The following LRP1B variants were observed in gnomAD, a reference collection of about 807,000 sequenced individuals.
The protein encoded by LRP1B is LDL receptor related protein 1B.
In LRP1B, 217 loss-of-function variants were observed where a neutral mutation model predicts 556.6. The ratio of observed to expected loss-of-function variants is 0.39; its 90% confidence interval spans 0.35 to 0.44. LRP1B has a LOEUF of 0.44. Ranked by LOEUF, LRP1B falls within the 20% of genes least tolerant of loss-of-function variation. The pLI is 1.00. For missense variants in LRP1B, 5,053 were observed against 5,620.8 expected (o/e 0.90, Z 3.23); for synonymous variants, 2,047 against 1,865.8 (o/e 1.10, Z -2.50).
chr2:141,320,162 CT>C (rs1236565449), intron 3 of LRP1B, among the ~76,000 whole-genome samples: 1 of 152,012 alleles, frequency 6.6e-6, no homozygotes, highest in African/African-American at 2.4e-5. Context: ...TCATAATTAC[CT>C]TTATTATCCA....
At chr2:140,770,352 G>A (rs1455489269) in intron 34 of LRP1B, among the ~76,000 whole-genome samples, 3 of 151,894 alleles carry the variant, frequency 2.0e-5, no homozygotes, top group African/African-American at 7.2e-5. Flanking sequence ...ATGATCATTA[G>A]ATATAAAAGA....
chr2:140,772,667 G>C (rs571371775), intron 33 of LRP1B, among the ~76,000 whole-genome samples: 3 of 152,084 alleles, frequency 2.0e-5, no homozygotes, highest in Admixed American at 1.3e-4. Flanking sequence ...GAAAGCATGG[G>C]TATATTAATG....
At chr2:140,660,871 G>GT (rs11303525) in intron 41 of LRP1B, among the ~76,000 whole-genome samples, 4,179 of 142,794 alleles carry the variant, frequency 0.029, 97 homozygotes, top group African/African-American at 0.058. Flanking sequence ...GTCTTTTTGT[G>GT]TTTTTTTTTT....
intron 1 of LRP1B, among the ~76,000 whole-genome samples, chr2:141,984,872 A>T (rs1374913367): frequency 6.6e-6 from 1 of 152,152 alleles, no homozygotes; most frequent in Non-Finnish European, 1.5e-5. Flanking sequence ...AGGTCTCAGC[A>T]ATTAACTTCA....
chr2:140,863,855 T>C (rs1197949918), intron 27 of LRP1B, among the ~76,000 whole-genome samples: 1 of 152,080 alleles, frequency 6.6e-6, no homozygotes, highest in Non-Finnish European at 1.5e-5. Flanking sequence ...CTGTTCCTCC[T>C]CTTAGACTAT....
At chr2:140,317,890 G>A (rs1684597094) in intron 82 of LRP1B, among the ~76,000 whole-genome samples, 1 of 152,012 alleles carries the variant, frequency 6.6e-6, no homozygotes, top group Admixed American at 6.6e-5. Flanking sequence ...AATGGAAGTG[G>A]AGTTACATTC....
rs769381673 is a variant in LRP1B at position 141,009,811 on chromosome 2, C to T, written c.2380+3745G>A. ...ACAATGACCAAAAAAGATTCACATT[C>T]TTTTTCTTCTATCTAAAAGTATAGT... is the stretch of plus-strand genomic sequence containing the variant. On this transcript the variant is annotated intron_variant, in intron 14 of 90. Coordinates refer to ENST00000389484, the MANE Select transcript of LRP1B (RefSeq NM_018557.3). 5.3e-5 allele frequency among the ~76,000 whole-genome samples: 8 copies of T among 151,990 alleles called. No homozygotes were observed. In the South Asian group the frequency reaches 1.2e-3, roughly 24 times the overall value.
chr2:140,536,337 A>T (rs1382632298), intron 46 of LRP1B, among the ~76,000 whole-genome samples: 3 of 97,484 alleles, frequency 3.1e-5, no homozygotes, highest in Non-Finnish European at 7.1e-5. Flanking sequence ...AAAAAAAAAA[A>T]AAAAAGGCTA....
intron 1 of LRP1B, among the ~76,000 whole-genome samples, chr2:142,129,417 C>T (rs549854477): frequency 1.3e-5 from 2 of 152,308 alleles, no homozygotes; most frequent in East Asian, 1.9e-4. Flanking sequence ...TGGCTGCCAA[C>T]AGCAGGTTGA....
chr2:140,605,846 A>T (rs1182363088), intron 41 of LRP1B, among the ~76,000 whole-genome samples: 2 of 152,106 alleles, frequency 1.3e-5, no homozygotes, highest in Non-Finnish European at 2.9e-5. Context: ...TAGCAATAGA[A>T]CTTCCTCAAC....
At chr2:140,574,311 A>C (rs1681437765) in intron 43 of LRP1B, among the ~76,000 whole-genome samples, 1 of 152,162 alleles carries the variant, frequency 6.6e-6, no homozygotes, top group Admixed American at 6.5e-5. Context: ...TATATATAGT[A>C]TGTATCTTCA....
chr2:141,705,929 C>T (rs976667992), intron 2 of LRP1B, among the ~76,000 whole-genome samples: 5 of 152,010 alleles, frequency 3.3e-5, no homozygotes, highest in African/African-American at 1.2e-4. Context: ...TGCCCCCAAC[C>T]CACATTTCCA....
chr2:140,475,180 G>T lies in LRP1B; in HGVS notation c.9583C>A (p.His3195Asn). ...CCATCCATGTTGCTAAATTCAATGT[G>T]ATTTTCATCGGCCCAGTAGAGTCTA... Reference protein sequence around the residue: ...NRRLYWADENHIEFSNMDGSH... With the variant: ...NRRLYWADENNIEFSNMDGSH... The change falls in exon 60 of 91, where the codon CAC becomes AAC. Residue 3195 changes from histidine (H) to asparagine (N), a missense_variant. This residue lies in a region of LRP1B where 3,619 missense variants were observed against 3,931.9 expected (regional missense o/e 0.92). Transcript: ENST00000389484. 1 of 1,604,958 alleles carries T rather than the reference G, an allele frequency of 6.2e-7. No individual in the cohort carries two copies. Among genetic ancestry groups the T allele is most frequent in the Non-Finnish European group, 8.5e-7 (1 of 1,175,452 alleles).
intron 3 of LRP1B, among the ~76,000 whole-genome samples, chr2:141,341,583 AT>A (rs1220487645): frequency 1.3e-5 from 2 of 152,208 alleles, no homozygotes; most frequent in East Asian, 3.9e-4. Context: ...CAGATGTTAA[AT>A]AATAACATTC....
At chr2:140,567,329 T>G (rs1460603815) in intron 43 of LRP1B, among the ~76,000 whole-genome samples, 3 of 152,212 alleles carry the variant, frequency 2.0e-5, no homozygotes, top group Non-Finnish European at 2.9e-5. Context: ...TCCCAGGGTC[T>G]AGAGTCACCA....
chr2:141,375,062 G>C (rs1481726342), intron 3 of LRP1B, among the ~76,000 whole-genome samples: 1 of 152,102 alleles, frequency 6.6e-6, no homozygotes, highest in Non-Finnish European at 1.5e-5. Context: ...TATGTATGTT[G>C]TTGGTTAAGT....
chr2:141,311,840 C>T (rs1444218377), intron 3 of LRP1B, among the ~76,000 whole-genome samples: 1 of 152,072 alleles, frequency 6.6e-6, no homozygotes, highest in African/African-American at 2.4e-5. Flanking sequence ...GTTATAGCAA[C>T]AGAAAACAGA....
chr2:141,065,998 T>C (rs6726774), intron 7 of LRP1B, among the ~76,000 whole-genome samples: 73,437 of 151,704 alleles, frequency 0.48, 18,895 homozygotes, highest in Non-Finnish European at 0.58. Flanking sequence ...TGTTATCAAC[T>C]ATTTTTTGTT....
chr2:141,663,255 C>T (rs1461250939), intron 2 of LRP1B, among the ~76,000 whole-genome samples: 2 of 152,030 alleles, frequency 1.3e-5, no homozygotes, highest in African/African-American at 4.8e-5. Flanking sequence ...AAGTAAACAT[C>T]CTAACATTAC....
Sources: allele counts gnomAD v4.1 joint callset (sites outside exome capture counted in the v4.1 genomes callset), GRCh38; gene constraint gnomAD v4.1.1; regional missense constraint gnomAD v4.1.1; transcripts MANE v1.5; gene names NCBI Gene and HGNC (gene_info 2026-07-23, HGNC 2026-07-21).